Variants in PARD3B observed in about 807,000 individuals in gnomAD.
The protein encoded by PARD3B is partitioning defective 3 homolog B.
A neutral mutation model predicts 130.2 loss-of-function variants in PARD3B; 103 were observed. That is an observed-to-expected ratio of 0.79 (90% CI 0.67 to 0.93). PARD3B has a LOEUF of 0.93. Among genes scored for constraint, PARD3B ranks in the 40% least tolerant of loss-of-function variants. PARD3B has a pLI of 0.00. For missense variants in PARD3B, 1,609 were observed against 1,499.2 expected (o/e 1.07, Z -1.21); for synonymous variants, 583 against 553.2 (o/e 1.05, Z -0.76).
chr2:204,740,446 C>T (rs776800083), intron 2 of PARD3B, among the ~76,000 whole-genome samples: 54 of 152,170 alleles, frequency 3.5e-4, no homozygotes, highest in African/African-American at 5.5e-4. Flanking sequence ...CCAGCTTAGC[C>T]GCAGTAGTAT....
At position 205,121,589 on chromosome 2, in the gene PARD3B, A is replaced by G; in HGVS notation, c.807-2A>G. On this transcript the variant is annotated splice_acceptor_variant, in intron 7 of 22. Transcript: ENST00000406610. LOFTEE classifies it high-confidence loss of function. The surrounding 1 kb of genome is among the most constrained non-coding windows in gnomAD (Gnocchi z 5.0). ...TCATACATTTATCAACTTTCTTTCC[A>G]GGGCTCAAGATGTCTTCCGCCAGGC... The G allele has an allele frequency of 1.2e-6, 2 of 1,609,890 alleles. No individual in the cohort carries two copies. Among genetic ancestry groups the G allele is most frequent in the South Asian group, 1.1e-5 (1 of 90,872 alleles).
chr2:205,087,904 C>G (rs897498316), intron 4 of PARD3B, among the ~76,000 whole-genome samples: 1 of 152,156 alleles, frequency 6.6e-6, no homozygotes, highest in South Asian at 2.1e-4. Context: ...GTGTGTTGAT[C>G]GGAAGTCATA....
At chr2:205,556,098 A>G (rs542194547) in intron 22 of PARD3B, among the ~76,000 whole-genome samples, 1 of 152,246 alleles carries the variant, frequency 6.6e-6, no homozygotes, top group East Asian at 1.9e-4. Flanking sequence ...TTTTGCCAGG[A>G]GAGTGAGGCG....
intron 18 of PARD3B, among the ~76,000 whole-genome samples, chr2:205,322,185 A>C (rs2042775213): frequency 6.6e-6 from 1 of 152,220 alleles, no homozygotes; most frequent in South Asian, 2.1e-4. Context: ...TGAAAACATA[A>C]ATGCACAAAG....
intron 1 of PARD3B, among the ~76,000 whole-genome samples, chr2:204,625,442 T>G (rs959198788): frequency 6.6e-6 from 1 of 152,154 alleles, no homozygotes; most frequent in African/African-American, 2.4e-5. Flanking sequence ...TCTTGCAATT[T>G]AGTGGAAAAC....
chr2:205,097,201 A>T (rs1235583449), intron 4 of PARD3B, among the ~76,000 whole-genome samples: 5 of 152,188 alleles, frequency 3.3e-5, no homozygotes, highest in Non-Finnish European at 5.9e-5. Flanking sequence ...TCTTTGAAAG[A>T]AAGGTAAAGT....
intron 2 of PARD3B, among the ~76,000 whole-genome samples, chr2:204,746,780 T>A (rs889323760): frequency 2.6e-5 from 4 of 152,354 alleles, no homozygotes; most frequent in Admixed American, 2.6e-4. Flanking sequence ...AAATGTCTTC[T>A]TTTGAGAAGT....
At chr2:204,633,624 C>G (rs1053204253) in intron 1 of PARD3B, among the ~76,000 whole-genome samples, 1 of 151,952 alleles carries the variant, frequency 6.6e-6, no homozygotes, top group Non-Finnish European at 1.5e-5. Context: ...CCAGTCTGGC[C>G]AACATGATGA....
chr2:205,177,180 T>G (rs2035522681), intron 13 of PARD3B, among the ~76,000 whole-genome samples: 1 of 152,184 alleles, frequency 6.6e-6, no homozygotes, highest in Non-Finnish European at 1.5e-5. Context: ...ATACTTCAGG[T>G]CACCAAGAAA....
At chr2:205,084,127 A>G (rs951034055) in intron 4 of PARD3B, among the ~76,000 whole-genome samples, 25 of 152,160 alleles carry the variant, frequency 1.6e-4, no homozygotes, top group Non-Finnish European at 3.1e-4. Flanking sequence ...TTTGTGTGCA[A>G]TAGAATCTAA....
rs1368076320 is a variant in PARD3B, at chr2:204,694,779, A to G, written c.222+8497A>G. 2.0e-5 allele frequency among the ~76,000 whole-genome samples: 3 copies of G among 151,974 alleles called. No homozygotes were observed. In the South Asian group the frequency reaches 6.2e-4, roughly 31 times the overall value. ...TCCGCAATTTAGTTGGTTGACAACTATAGTGTGTATGGGTGTATGTGTGTA... is the reference window on the plus strand; with the variant it reads ...TCCGCAATTTAGTTGGTTGACAACTGTAGTGTGTATGGGTGTATGTGTGTA... On this transcript the variant is annotated intron_variant, in intron 2 of 22. Transcript: ENST00000406610.
chr2:204,699,698 A>G (rs2037796763), intron 2 of PARD3B, among the ~76,000 whole-genome samples: 1 of 152,134 alleles, frequency 6.6e-6, no homozygotes, highest in Non-Finnish European at 1.5e-5. Context: ...TGATACAATA[A>G]TGTTTGGGGA....
At chr2:205,376,398 GCTGGCC>G (rs2045055000) in intron 18 of PARD3B, among the ~76,000 whole-genome samples, 1 of 116,888 alleles carries the variant, frequency 8.6e-6, no homozygotes, top group Non-Finnish European at 2.0e-5. Flanking sequence ...TGGGAGAGCA[GCTGGCC>G]CATTACCCAC....
intron 12 of PARD3B, among the ~76,000 whole-genome samples, chr2:205,174,489 T>C (rs2035355202): frequency 6.6e-6 from 1 of 152,210 alleles, no homozygotes; most frequent in South Asian, 2.1e-4. Flanking sequence ...CAGTTTATCT[T>C]TATTAAATTG....
rs376802654 is a variant in PARD3B at position 205,322,988 on chromosome 2, G to T, written c.2630+21287G>T. ...TGCAGAGGCATGATCTCAGCTCACTGCAGTTTCCGCCTCCTGGGTTCAAGT... is the reference window on the plus strand; with the variant it reads ...TGCAGAGGCATGATCTCAGCTCACTTCAGTTTCCGCCTCCTGGGTTCAAGT... On this transcript the variant is annotated intron_variant, in intron 18 of 22. Coordinates refer to ENST00000406610, the MANE Select transcript of PARD3B (RefSeq NM_001302769.2). 7.0e-5 allele frequency among the ~76,000 whole-genome samples: 9 copies of T among 128,114 alleles called. No homozygotes were observed. In the East Asian group the frequency reaches 1.1e-3, roughly 16 times the overall value. The allele number at this position is 128,114 out of a possible 152,430, so 84.0% of individuals were successfully genotyped here.
rs191235071 is a variant in PARD3B at position 204,805,202 on chromosome 2, A to G, written c.222+118920A>G. Among the ~76,000 whole-genome samples, 47 of 152,200 alleles carry G rather than the reference A, an allele frequency of 3.1e-4. 1 individual carries two copies. Among genetic ancestry groups the G allele is most frequent in the Admixed American group, 2.8e-3 (42 of 15,268 alleles). ...CTTTTGCCTAAAAGAGAAGACCTAA[A>G]CAAATAAAGTCAGAGATGAAAAAAG... On this transcript the variant is annotated intron_variant, in intron 2 of 22. Coordinates refer to ENST00000406610, the MANE Select transcript of PARD3B (RefSeq NM_001302769.2).
At chr2:204,874,532 T>G (rs1473718648) in intron 2 of PARD3B, among the ~76,000 whole-genome samples, 2 of 152,166 alleles carry the variant, frequency 1.3e-5, no homozygotes, top group African/African-American at 4.8e-5. Context: ...TTAAAAGATA[T>G]CCAGTACATA....
intron 3 of PARD3B, among the ~76,000 whole-genome samples, chr2:204,992,564 C>CT (rs1693814990): frequency 7.0e-6 from 1 of 142,774 alleles, no homozygotes; most frequent in African/African-American, 2.6e-5. Flanking sequence ...GATGCGGGCT[C>CT]TTTTTTGGTT....
intron 3 of PARD3B, among the ~76,000 whole-genome samples, chr2:205,037,277 AAT>A (rs375636792): frequency 0.023 from 3,236 of 139,878 alleles, 25 homozygotes; most frequent in Middle Eastern, 0.07. Flanking sequence ...ATTTGTATAA[AAT>A]ATATATATAT....
Sources: allele counts gnomAD v4.1 joint callset (sites outside exome capture counted in the v4.1 genomes callset), GRCh38; gene constraint gnomAD v4.1.1; non-coding constraint Gnocchi (gnomAD v3.1); transcripts MANE v1.5; gene names NCBI Gene and HGNC (gene_info 2026-07-23, HGNC 2026-07-21).